ANKS1B: variants seen among roughly 807,000 people sequenced by gnomAD.
ANKS1B encodes ankyrin repeat and sterile alpha motif domain containing 1B, also known as ankyrin repeat and sterile alpha motif domain-containing protein 1B.
In ANKS1B, 36 loss-of-function variants were observed where a neutral mutation model predicts 148.3. The ratio of observed to expected loss-of-function variants is 0.24; its 90% CI spans 0.19 to 0.32. The LOEUF is 0.32. Ranked by LOEUF, ANKS1B falls within the 10% of genes least tolerant of loss-of-function variation. The probability of loss-of-function intolerance (pLI) is 1.00; values close to 1 mark genes in which losing one functional copy is unlikely to be tolerated. For missense variants in ANKS1B, 1,157 were observed against 1,542.6 expected (o/e 0.75, Z 4.19); for synonymous variants, 542 against 560.8 (o/e 0.97, Z 0.47).
rs545163235 is a variant in ANKS1B at position 99,462,090 on chromosome 12, A to G, written c.1439-18281T>C. Among the ~76,000 whole-genome samples the G allele has an allele frequency of 1.7e-4, 26 of 152,348 alleles. No homozygotes were observed. The South Asian group carries it at 3.7e-3, about 22-fold the overall frequency. On this transcript the variant is annotated intron_variant, in intron 10 of 26. Transcript: ENST00000683438. ...ACATTCACTCTTGTTATTTTACCAC[A>G]TACACTGAGCAAAACCCTATTCCTA...
intron 11 of ANKS1B, among the ~76,000 whole-genome samples, chr12:99,418,818 C>T (rs2094990304): frequency 6.6e-6 from 1 of 151,864 alleles, no homozygotes. Flanking sequence ...GAGAAAATTC[C>T]CCTCAATTTC....
chr12:98,798,879 A>C, intron 22 of ANKS1B, 55 bp downstream of exon 22: 1 of 1,448,528 alleles, frequency 6.9e-7, no homozygotes, highest in Non-Finnish European at 9.6e-7. Context: ...ATTTGTATCC[A>C]TACCCAGTAT....
chr12:99,747,481 G>A (rs2060702270), intron 8 of ANKS1B, among the ~76,000 whole-genome samples: 1 of 151,988 alleles, frequency 6.6e-6, no homozygotes, highest in African/African-American at 2.4e-5. Context: ...TACACAAACT[G>A]TCTCTTCCTC....
chr12:99,445,243 T>C (rs754456475), intron 10 of ANKS1B, among the ~76,000 whole-genome samples: 5 of 151,988 alleles, frequency 3.3e-5, no homozygotes, highest in Non-Finnish European at 5.9e-5. Context: ...CCTTCTTTCA[T>C]TCATCTAAAA....
At chr12:99,145,722 G>A (rs1224730528) in intron 15 of ANKS1B, among the ~76,000 whole-genome samples, 4 of 152,080 alleles carry the variant, frequency 2.6e-5, no homozygotes, top group African/African-American at 9.7e-5. Context: ...CAGTATAGCA[G>A]TGGCTCAAGA....
intron 15 of ANKS1B, 38 bp downstream of exon 15, chr12:99,154,251 G>C: frequency 6.2e-7 from 1 of 1,610,642 alleles, no homozygotes; most frequent in Non-Finnish European, 8.5e-7. Flanking sequence ...AGCAAAGACA[G>C]ACAAAAGGCA....
At chr12:99,532,649 C>A (rs894084082) in intron 9 of ANKS1B, among the ~76,000 whole-genome samples, 2 of 152,108 alleles carry the variant, frequency 1.3e-5, no homozygotes, top group African/African-American at 4.8e-5. Context: ...CGTGAGCCAC[C>A]ACGCCTGGTC....
At chr12:99,585,952 T>A (rs111370361) in intron 9 of ANKS1B, among the ~76,000 whole-genome samples, 3,076 of 152,294 alleles carry the variant, frequency 0.02, 49 homozygotes, top group Middle Eastern at 0.034. Context: ...GTCTCTGACA[T>A]GCCCTGGAGA....
At chr12:98,850,485 T>TTTTTTTTA (rs869246099) in intron 17 of ANKS1B, among the ~76,000 whole-genome samples, 1 of 133,964 alleles carries the variant, frequency 7.5e-6, no homozygotes, top group African/African-American at 2.7e-5. Context: ...TTTTTTTTTT[T>TTTTTTTTA]GAGACGGAGT....
intron 12 of ANKS1B, among the ~76,000 whole-genome samples, chr12:99,333,595 C>T (rs2088020143): frequency 3.3e-5 from 5 of 151,986 alleles, no homozygotes; most frequent in Admixed American, 2.0e-4. Context: ...ATGTGGAAGC[C>T]GCTGCATGCC....
rs141394926 is a variant in ANKS1B at position 99,887,098 on chromosome 12, T to C, written c.135-61709A>G. ...ACAGTGTAGGTACGTGGGGTATTAA[T>C]ATCCCACCCTCCTTGATGGGTCAGT... On this transcript the variant is annotated intron_variant, in intron 1 of 26. Coordinates refer to ENST00000683438, the MANE Select transcript of ANKS1B (RefSeq NM_001352186.2). Among the ~76,000 whole-genome samples, 315 of 152,292 alleles carry C rather than the reference T, an allele frequency of 2.1e-3. 1 individual carries two copies. The highest frequency in any genetic ancestry group is 7.4e-3 in the African/African-American group (308 of 41,562).
At chr12:99,431,971 T>C (rs1355160211) in intron 11 of ANKS1B, among the ~76,000 whole-genome samples, 2 of 152,192 alleles carry the variant, frequency 1.3e-5, no homozygotes, top group Non-Finnish European at 2.9e-5. Flanking sequence ...CTAGCAATAC[T>C]GACAGTTCCA....
At chr12:99,545,658 G>C (rs2097165868) in intron 9 of ANKS1B, among the ~76,000 whole-genome samples, 1 of 151,596 alleles carries the variant, frequency 6.6e-6, no homozygotes, top group Non-Finnish European at 1.5e-5. Context: ...ACTAACGGAA[G>C]CCCTTCCATT....
At chr12:99,250,922 C>T (rs565930455) in intron 12 of ANKS1B, among the ~76,000 whole-genome samples, 1 of 152,280 alleles carries the variant, frequency 6.6e-6, no homozygotes, top group East Asian at 1.9e-4. Flanking sequence ...ATTTATTTCT[C>T]ACAGGCCTAG....
At chr12:99,455,353 A>G (rs2152834996) in intron 10 of ANKS1B, among the ~76,000 whole-genome samples, 1 of 152,330 alleles carries the variant, frequency 6.6e-6, no homozygotes, top group East Asian at 1.9e-4. Context: ...ACTCAGATGG[A>G]CAGAGCAGCA....
chr12:98,965,760 T>A (rs2099877283), intron 17 of ANKS1B, among the ~76,000 whole-genome samples: 1 of 152,192 alleles, frequency 6.6e-6, no homozygotes, highest in Non-Finnish European at 1.5e-5. Flanking sequence ...TACAACCATC[T>A]GATCTTTGAC....
At chr12:99,356,007 C>A (rs2091938500) in intron 12 of ANKS1B, among the ~76,000 whole-genome samples, 1 of 151,876 alleles carries the variant, frequency 6.6e-6, no homozygotes, top group African/African-American at 2.4e-5. Context: ...AATAATTGAA[C>A]AGGAAAAGTT....
At chr12:99,915,278 G>T (rs968719703) in intron 1 of ANKS1B, among the ~76,000 whole-genome samples, 9 of 150,638 alleles carry the variant, frequency 6.0e-5, no homozygotes, top group African/African-American at 9.8e-5. Flanking sequence ...TCACATTGGT[G>T]GGAAGAATAT....
chr12:99,821,042 A>G (rs552818737), intron 2 of ANKS1B, among the ~76,000 whole-genome samples: 1 of 151,994 alleles, frequency 6.6e-6, no homozygotes, highest in East Asian at 1.9e-4. Context: ...AGAAACATAC[A>G]CTCTATATGA....
Sources: allele counts gnomAD v4.1 joint callset (sites outside exome capture counted in the v4.1 genomes callset), GRCh38; gene constraint gnomAD v4.1.1; transcripts MANE v1.5; gene names NCBI Gene and HGNC (gene_info 2026-07-23, HGNC 2026-07-21).